Variants in KCNK5 observed in about 807,000 individuals in gnomAD.
KCNK5 encodes potassium channel subfamily K member 5.
In KCNK5, 18 loss-of-function variants were observed where a neutral mutation model predicts 32.9. The ratio of observed to expected loss-of-function variants is 0.55; its 90% CI spans 0.38 to 0.81. KCNK5 has a LOEUF of 0.81. KCNK5 is among the 30% of genes least tolerant of loss of function. The probability of loss-of-function intolerance (pLI) is 0.00; values close to 1 mark genes in which losing one functional copy is unlikely to be tolerated. For synonymous variants in KCNK5, 276 were observed against 275.3 expected (o/e 1.00, Z -0.03); for missense variants, 507 against 651.0 (o/e 0.78, Z 2.41).
At position 39,194,901 on chromosome 6, in the gene KCNK5, A is replaced by T; in HGVS notation, c.299-141T>A. On this transcript the variant is annotated intron_variant, in intron 2 of 4. Transcript: ENST00000359534. This position sits in a 1 kb window ranked among gnomAD's most constrained non-coding sequence, Gnocchi z 4.7. ...TACTTAAGTAATGATATTTCCCTTGATCATACTCTGATCATGATCATTGAT... is the reference window on the plus strand; with the variant it reads ...TACTTAAGTAATGATATTTCCCTTGTTCATACTCTGATCATGATCATTGAT... 5 of 712,848 alleles carry T rather than the reference A, an allele frequency of 7.0e-6. No individual in the cohort carries two copies. The highest frequency in any genetic ancestry group is 9.5e-6 in the Non-Finnish European group (4 of 420,936). The allele number at this position is 712,848 out of a possible 1,614,324, so 44.2% of individuals were successfully genotyped here.
chr6:39,203,027 G>A, intron 1 of KCNK5, among the ~76,000 whole-genome samples: 1 of 152,190 alleles, frequency 6.6e-6, no homozygotes, highest in East Asian at 1.9e-4. Context: ...ATTCACACGT[G>A]TGTCCGTCAG....
chr6:39,193,463 T>C (rs1365712589), intron 4 of KCNK5, among the ~76,000 whole-genome samples: 2 of 152,204 alleles, frequency 1.3e-5, no homozygotes, highest in African/African-American at 4.8e-5. Flanking sequence ...TTGAGGTCAC[T>C]GGGGTGGTGG....
At chr6:39,199,701 C>T (rs1771098976) in intron 1 of KCNK5, among the ~76,000 whole-genome samples, 1 of 152,214 alleles carries the variant, frequency 6.6e-6, no homozygotes. Flanking sequence ...CCCTGGGCTG[C>T]CCCACTGCCC....
intron 1 of KCNK5, among the ~76,000 whole-genome samples, chr6:39,209,016 G>A (rs745597815): frequency 6.6e-5 from 10 of 152,098 alleles, no homozygotes; most frequent in Non-Finnish European, 7.4e-5. Flanking sequence ...GCTGGAACCC[G>A]GGAGATGGAG....
chr6:39,205,591 C>T (rs925016228), intron 1 of KCNK5, among the ~76,000 whole-genome samples: 6 of 152,196 alleles, frequency 3.9e-5, no homozygotes, highest in Non-Finnish European at 8.8e-5. Context: ...ACTTTGTCCC[C>T]TTCTCTGCCC....
At chr6:39,195,609 A>C (rs1483002308) in intron 2 of KCNK5, among the ~76,000 whole-genome samples, 1 of 152,248 alleles carries the variant, frequency 6.6e-6, no homozygotes, top group Non-Finnish European at 1.5e-5. Context: ...TGCAATGAGC[A>C]GTCTGGTTAA....
At chr6:39,221,964 T>C (rs568639307) in intron 1 of KCNK5, among the ~76,000 whole-genome samples, 275 of 152,296 alleles carry the variant, frequency 1.8e-3, no homozygotes, top group Middle Eastern at 6.8e-3. Context: ...CTCTCCAATA[T>C]CTGAGGTTTC....
chr6:39,208,205 G>A (rs1314745814), intron 1 of KCNK5, among the ~76,000 whole-genome samples: 2 of 152,106 alleles, frequency 1.3e-5, no homozygotes, highest in East Asian at 3.9e-4. Flanking sequence ...TGGTTAAACT[G>A]TAAACCTCTT....
intron 1 of KCNK5, among the ~76,000 whole-genome samples, chr6:39,226,110 A>G (rs1771666949): frequency 6.6e-6 from 1 of 152,256 alleles, no homozygotes; most frequent in Non-Finnish European, 1.5e-5. Context: ...CCAGATGGCA[A>G]AACCAGCCTG....
At chr6:39,223,138 G>T (rs368502652) in intron 1 of KCNK5, among the ~76,000 whole-genome samples, 14 of 152,282 alleles carry the variant, frequency 9.2e-5, no homozygotes, top group African/African-American at 3.1e-4. Context: ...TGCAGGGACC[G>T]CTCCATTGCA....
At position 39,191,887 on chromosome 6, in the gene KCNK5, G is replaced by T; in HGVS notation, c.635-132C>A. 2.2e-6 allele frequency: 2 copies of T among 923,254 alleles called. No individual in the cohort carries two copies. Among genetic ancestry groups the T allele is most frequent in the African/African-American group, 1.7e-5 (1 of 60,370 alleles). 57.2% of individuals were successfully genotyped at this position (923,254 alleles called of 1,614,324 possible). On this transcript the variant is annotated intron_variant, in intron 4 of 4. Transcript: ENST00000359534. The surrounding 1 kb of genome is among the most constrained non-coding windows in gnomAD (Gnocchi z 5.8). Reference sequence around the variant, plus strand: ...CGGGGGTGCAGTGGGATAGAAAGGGGCCTGTTCTAGACCCTGGACTATCCC... The same window carrying T: ...CGGGGGTGCAGTGGGATAGAAAGGGTCCTGTTCTAGACCCTGGACTATCCC...
Position 39,189,134 on chromosome 6 carries a change from C to T in KCNK5, c.*1756G>A, listed in dbSNP as rs1267061028. 1 of 152,278 alleles carries T rather than the reference C, an allele frequency of 6.6e-6. No individual in the cohort carries two copies. Among genetic ancestry groups the T allele is most frequent in the Non-Finnish European group, 1.5e-5 (1 of 68,070 alleles). 9.4% of individuals were successfully genotyped at this position (152,278 alleles called of 1,614,324 possible). ...ATACGAGGCTGCTCCTTTTCAGGCC[C>T]CTGCTGGGTGGCGGCCTCTGCAAAC... On this transcript the variant is annotated 3_prime_UTR_variant, in exon 5 of 5. Transcript: ENST00000359534.
chr6:39,191,273 C>G lies in KCNK5; in HGVS notation c.1117G>C (p.Asp373His). The G allele has an allele frequency of 6.2e-7, 1 of 1,614,126 alleles. No individual in the cohort carries two copies. Among genetic ancestry groups the G allele is most frequent in the Non-Finnish European group, 8.5e-7 (1 of 1,180,032 alleles). ...RSKGHVSRSP[D>H]EEAVARAPED... ...GGGGCCCGTGCCACAGCCTCCTCAT[C>G]TGGGGACCTTGATACGTGGCCTTTG... The change falls in exon 5 of 5, where the codon GAT becomes CAT. Residue 373 changes from aspartate to histidine, a missense_variant. This residue lies in a region of KCNK5 where 252 missense variants were observed against 250.8 expected (regional missense o/e 1.00). Coordinates refer to ENST00000359534, the MANE Select transcript of KCNK5 (RefSeq NM_003740.4). This position sits in a 1 kb window ranked among gnomAD's most constrained non-coding sequence, Gnocchi z 5.8.
At position 39,194,560 on chromosome 6, in the gene KCNK5, C is replaced by G. The variant is rs1770996282; in HGVS notation, c.465+34G>C. 1 of 1,609,550 alleles carries G rather than the reference C, an allele frequency of 6.2e-7. No individual in the cohort carries two copies. Among genetic ancestry groups the G allele is most frequent in the African/African-American group, 1.3e-5 (1 of 74,928 alleles). ...CTCCCCTCACCTGTCATGGTTCCCC[C>G]ATCTCTGCCCAACACCCAGGGTAGG... On this transcript the variant is annotated intron_variant, in intron 3 of 4. Coordinates refer to ENST00000359534, the MANE Select transcript of KCNK5 (RefSeq NM_003740.4). The surrounding 1 kb of genome is among the most constrained non-coding windows in gnomAD (Gnocchi z 4.7).
At position 39,194,648 on chromosome 6, in the gene KCNK5, G is replaced by A. The variant is rs756396615; in HGVS notation, c.411C>T (p.Phe137=). The A allele has an allele frequency of 1.3e-5, 21 of 1,613,964 alleles. No homozygotes were observed. The highest frequency in any genetic ancestry group is 2.2e-5 in the East Asian group (1 of 44,872). Residue 137 remains phenylalanine, a synonymous_variant, in exon 3 of 5, where the codon TTC becomes TTT. Transcript: ENST00000359534. The surrounding 1 kb of genome is among the most constrained non-coding windows in gnomAD (Gnocchi z 4.7). ...LTWISALGKF[F]GGRAKRLGQF... ...GCCCTAGTCTCTTGGCACGTCCCCC[G>A]AAGAACTTGCCCAGGGCACTGATCC... is the stretch of plus-strand genomic sequence containing the variant.
At chr6:39,206,981 G>T (rs1771236790) in intron 1 of KCNK5, among the ~76,000 whole-genome samples, 1 of 152,212 alleles carries the variant, frequency 6.6e-6, no homozygotes, top group Non-Finnish European at 1.5e-5. Context: ...CCATTCTGAG[G>T]GTCTGTGTCT....
rs371102895 is a variant in KCNK5 at position 39,228,898 on chromosome 6, G to A, written c.186+28C>T. 606 of 1,611,632 alleles carry A rather than the reference G, an allele frequency of 3.8e-4. 1 individual carries two copies. Among genetic ancestry groups the A allele is most frequent in the Non-Finnish European group, 4.6e-4 (545 of 1,178,210 alleles). On this transcript the variant is annotated intron_variant, in intron 1 of 4. Coordinates refer to ENST00000359534, the MANE Select transcript of KCNK5 (RefSeq NM_003740.4). ...CCTAAAGCTCAAGCCAGCTTCAGAT[G>A]TATATGGGGGTACAGGCGGCGACTG...
chr6:39,193,631 G>A (rs1247860545), intron 4 of KCNK5, among the ~76,000 whole-genome samples: 10 of 152,252 alleles, frequency 6.6e-5, no homozygotes, highest in Admixed American at 4.6e-4. Flanking sequence ...CAGGGGAGGA[G>A]TAGGAGGGAG....
chr6:39,198,208 A>G (rs1168754354), intron 1 of KCNK5, among the ~76,000 whole-genome samples: 1 of 152,270 alleles, frequency 6.6e-6, no homozygotes, highest in East Asian at 1.9e-4. Flanking sequence ...ATTCATGTGG[A>G]CAAGACACAG....
Sources: gnomAD v4.1 joint callset for allele counts (sites outside exome capture counted in the v4.1 genomes callset) on GRCh38, gnomAD v4.1.1 for gene constraint, gnomAD v4.1.1 regional missense constraint, Gnocchi (gnomAD v3.1) non-coding constraint, MANE v1.5 for transcripts, NCBI Gene and HGNC (gene_info 2026-07-23, HGNC 2026-07-21) for gene names.